The following ARID2 variants were observed in gnomAD, a reference collection of about 807,000 sequenced individuals.
The protein encoded by ARID2 is AT-rich interaction domain 2.
A neutral mutation model predicts 184.6 loss-of-function variants in ARID2; 32 were observed. The observed-to-expected ratio is 0.17, with a 90% CI of 0.13 to 0.23. The LOEUF is 0.23. ARID2 is among the 10% of genes least tolerant of loss of function. The pLI is 1.00. For missense variants in ARID2, 1,696 were observed against 2,197.6 expected, an observed-to-expected ratio of 0.77 and a Z score of 4.56; for synonymous variants, 836 against 772.6, an observed-to-expected ratio of 1.08 and a Z score of -1.36.
intron 6 of ARID2, among the ~76,000 whole-genome samples, chr12:45,824,201 C>T (rs960459258): frequency 4.6e-5 from 7 of 152,138 alleles, no homozygotes; most frequent in Middle Eastern, 3.4e-3. Flanking sequence ...ATTTGTCATA[C>T]GTGGCTTTTA....
intron 3 of ARID2, among the ~76,000 whole-genome samples, chr12:45,766,977 A>G (rs1036092369): frequency 1.3e-5 from 2 of 152,102 alleles, no homozygotes; most frequent in African/African-American, 2.4e-5. Context: ...TCAAAACAAA[A>G]CAAAAAACAA....
At chr12:45,752,472 A>G (rs1941482122) in intron 3 of ARID2, among the ~76,000 whole-genome samples, 1 of 152,214 alleles carries the variant, frequency 6.6e-6, no homozygotes, top group Non-Finnish European at 1.5e-5. Flanking sequence ...ATGTTTAGTT[A>G]GGGAGGAAAC....
chr12:45,894,421 G>A (rs899179886), intron 20 of ARID2, among the ~76,000 whole-genome samples: 2 of 151,692 alleles, frequency 1.3e-5, no homozygotes, highest in African/African-American at 4.8e-5. Flanking sequence ...CATAATATTA[G>A]TTCCATCTCC....
intron 4 of ARID2, among the ~76,000 whole-genome samples, chr12:45,813,376 G>A (rs1028450571): frequency 2.7e-5 from 4 of 149,472 alleles, no homozygotes; most frequent in Admixed American, 1.3e-4. Flanking sequence ...AATATATAAA[G>A]CAAATAAGTC....
intron 3 of ARID2, among the ~76,000 whole-genome samples, chr12:45,779,492 A>G (rs1416212781): frequency 6.6e-6 from 1 of 152,144 alleles, no homozygotes; most frequent in African/African-American, 2.4e-5. Context: ...TTTAAAAAAC[A>G]TACCTGGACT....
intron 20 of ARID2, among the ~76,000 whole-genome samples, chr12:45,902,526 ATTTTGTAAATT>A (rs1048798546): frequency 2.6e-5 from 4 of 151,290 alleles, no homozygotes; most frequent in Admixed American, 6.6e-5. Flanking sequence ...AGTTATTTTT[ATTTTGTAAATT>A]TTTTTTTTTT....
intron 16 of ARID2, among the ~76,000 whole-genome samples, chr12:45,868,573 C>T (rs563483879): frequency 6.6e-6 from 1 of 152,302 alleles, no homozygotes; most frequent in Non-Finnish European, 1.5e-5. Context: ...ACCTTTTCAA[C>T]TTTTATATCA....
In ARID2 at chr12:45,907,594, T is replaced by C. The variant is rs148621959; in HGVS notation, c.*2516T>C. ...AGCTTTATAGAACTATATAATAATATGGACTTGCTGTGTAATGGAATTAAA... is the reference window on the plus strand; with the variant it reads ...AGCTTTATAGAACTATATAATAATACGGACTTGCTGTGTAATGGAATTAAA... On this transcript the variant is annotated 3_prime_UTR_variant, in exon 21 of 21. Coordinates refer to ENST00000334344, the MANE Select transcript of ARID2 (RefSeq NM_152641.4). 1.3e-5 allele frequency: 3 copies of C among 233,196 alleles called. No individual in the cohort carries two copies. The highest frequency in any genetic ancestry group is 1.3e-3 in the Middle Eastern group (1 of 782). The allele number at this position is 233,196 out of a possible 1,614,324, so 14.4% of individuals were successfully genotyped here. A position where few individuals can be genotyped will look rare whatever the true frequency, so the allele number is the denominator to read the frequency against.
chr12:45,777,312 ATAATAG>A (rs1942003945), intron 3 of ARID2, among the ~76,000 whole-genome samples: 1 of 152,164 alleles, frequency 6.6e-6, no homozygotes, highest in African/African-American at 2.4e-5. Context: ...TTGGATGCTT[ATAATAG>A]TACTGTTAGT....
In ARID2 at chr12:45,794,580, T is replaced by G. The variant is rs564835803; in HGVS notation, c.285-16838T>G. 1.2e-4 allele frequency among the ~76,000 whole-genome samples: 18 copies of G among 152,194 alleles called. No homozygotes were observed. In the South Asian group the frequency reaches 2.7e-3, roughly 23 times the overall value. Reference sequence around the variant, plus strand: ...GACTCAGCGTTAGGAAAACTAGTCTTTAGGTCAGGTCTCCAGTAGTTAGGG... The same window carrying G: ...GACTCAGCGTTAGGAAAACTAGTCTGTAGGTCAGGTCTCCAGTAGTTAGGG... On this transcript the variant is annotated intron_variant, in intron 3 of 20. Transcript: ENST00000334344.
chr12:45,903,522 CTT>C, intron 20 of ARID2, among the ~76,000 whole-genome samples: 2 of 152,254 alleles, frequency 1.3e-5, no homozygotes, highest in East Asian at 3.9e-4. Context: ...TTTATCCACT[CTT>C]TTGAGTGTGT....
intron 11 of ARID2, chr12:45,840,074 A>G (rs1365254163): frequency 1.3e-5 from 2 of 152,244 alleles, no homozygotes; most frequent in East Asian, 3.8e-4. Flanking sequence ...GACATGTCTA[A>G]TAACCAGACT....
chr12:45,827,720 G>A (rs975925725), intron 6 of ARID2, among the ~76,000 whole-genome samples: 1 of 152,074 alleles, frequency 6.6e-6, no homozygotes, highest in Non-Finnish European at 1.5e-5. Flanking sequence ...TAGGTGACCA[G>A]CACTGCAGAG....
intron 3 of ARID2, among the ~76,000 whole-genome samples, chr12:45,792,288 G>A (rs1487736533): frequency 1.3e-5 from 2 of 151,990 alleles, no homozygotes; most frequent in Admixed American, 1.3e-4. Context: ...TACAGTATTA[G>A]GATTATTTGT....
At chr12:45,779,549 C>T (rs2138036347) in intron 3 of ARID2, among the ~76,000 whole-genome samples, 1 of 152,104 alleles carries the variant, frequency 6.6e-6, no homozygotes, top group Non-Finnish European at 1.5e-5. Context: ...TTGTCAACAG[C>T]CAGGAGATTT....
At chr12:45,791,825 C>T (rs1252700698) in intron 3 of ARID2, among the ~76,000 whole-genome samples, 1 of 152,134 alleles carries the variant, frequency 6.6e-6, no homozygotes. Context: ...TGTCTGCAAT[C>T]TAGTTTTATT....
intron 3 of ARID2, among the ~76,000 whole-genome samples, chr12:45,733,595 C>T (rs932473937): frequency 1.4e-4 from 22 of 152,154 alleles, no homozygotes; most frequent in African/African-American, 4.8e-4. Flanking sequence ...ATGTGTTATT[C>T]CTCCTTTACA....
At chr12:45,756,954 C>T (rs781148818) in intron 3 of ARID2, among the ~76,000 whole-genome samples, 2 of 152,126 alleles carry the variant, frequency 1.3e-5, no homozygotes, top group African/African-American at 4.8e-5. Context: ...ATGTGGAGCT[C>T]TTTTCATGGT....
At chr12:45,789,591 T>G (rs1307736543) in intron 3 of ARID2, 4 of 152,158 alleles carry the variant, frequency 2.6e-5, no homozygotes, top group Non-Finnish European at 4.4e-5. Flanking sequence ...GTAGCTTTAT[T>G]AAGTAATTTT....
Sources: allele counts gnomAD v4.1 joint callset (sites outside exome capture counted in the v4.1 genomes callset), GRCh38; gene constraint gnomAD v4.1.1; transcripts MANE v1.5; gene names NCBI Gene and HGNC (gene_info 2026-07-23, HGNC 2026-07-21).